The following ANO1 variants were observed in gnomAD, a reference collection of about 807,000 sequenced individuals.
ANO1 encodes anoctamin 1.
In ANO1, 59 loss-of-function variants were observed where a neutral mutation model predicts 124.0. The observed-to-expected ratio is 0.48, with a 90% CI of 0.39 to 0.59. The LOEUF is 0.59. Ranked by LOEUF, ANO1 falls within the 20% of genes least tolerant of loss-of-function variation. ANO1 has a pLI of 0.00. For synonymous variants in ANO1, 529 were observed against 532.0 expected (o/e 0.99, Z 0.08); for missense variants, 1,059 against 1,328.0 (o/e 0.80, Z 3.15).
the ANO1 span, among the ~76,000 whole-genome samples, chr11:69,970,253 G>A: frequency 3.3e-5 from 5 of 152,128 alleles, no homozygotes; most frequent in Admixed American, 1.3e-4. Flanking sequence ...AGAACCCCGC[G>A]GCCACAGTGC....
At position 70,078,729 on chromosome 11, in the gene ANO1, C is replaced by T. The variant is rs78535175; in HGVS notation, c.108+15C>T. 0.14 allele frequency: 197,321 copies of T among 1,444,640 alleles called. 14,393 individuals are homozygous for T. The highest frequency in any genetic ancestry group is 0.2 in the African/African-American group (13,673 of 66,858). 89.5% of individuals were successfully genotyped at this position (1,444,640 alleles called of 1,614,324 possible). Reference sequence around the variant, plus strand: ...CCGAGGGCACGGTGAGTGCGGGCGGCCGCGACCCGGGCGGGAGGGCCGCGC... The same window carrying T: ...CCGAGGGCACGGTGAGTGCGGGCGGTCGCGACCCGGGCGGGAGGGCCGCGC... On this transcript the variant is annotated intron_variant, in intron 1 of 25. Transcript: ENST00000355303.
chr11:70,100,787 G>C (rs1044951318), intron 2 of ANO1, among the ~76,000 whole-genome samples: 2 of 152,162 alleles, frequency 1.3e-5, no homozygotes, highest in Admixed American at 6.5e-5. Flanking sequence ...AGCAGGGACC[G>C]GCACGGAACT....
chr11:70,080,566 G>A (rs2044170854), intron 1 of ANO1, among the ~76,000 whole-genome samples: 1 of 152,130 alleles, frequency 6.6e-6, no homozygotes, highest in Non-Finnish European at 1.5e-5. Flanking sequence ...AAGAAATGGA[G>A]CCTGTCATGA....
intron 7 of ANO1, among the ~76,000 whole-genome samples, chr11:70,114,162 G>A (rs1213631057): frequency 6.6e-6 from 1 of 152,210 alleles, no homozygotes; most frequent in Non-Finnish European, 1.5e-5. Context: ...GCAGCCATGT[G>A]GGGTCTGTTC....
intron 1 of ANO1, among the ~76,000 whole-genome samples, chr11:70,053,830 A>C (rs184384955): frequency 1.8e-3 from 276 of 152,306 alleles, no homozygotes; most frequent in African/African-American, 6.1e-3. Flanking sequence ...CTTTGCAAAA[A>C]CAATTTTAAT....
intron 2 of ANO1, among the ~76,000 whole-genome samples, chr11:70,100,644 G>A (rs950980707): frequency 4.6e-5 from 7 of 152,226 alleles, no homozygotes; most frequent in Admixed American, 1.3e-4. Flanking sequence ...GCTGCAGGAG[G>A]ATCCCGCAAT....
intron 1 of ANO1, among the ~76,000 whole-genome samples, chr11:70,047,080 CAAAA>C (rs10660510): frequency 9.5e-5 from 7 of 73,880 alleles, no homozygotes; most frequent in South Asian, 6.2e-4. Context: ...GACTCTGTCT[CAAAA>C]AAAAAAAAAA....
At chr11:70,124,234 G>T (rs937957941) in intron 8 of ANO1, 116 bp from the exon 9 acceptor site, 28 of 925,490 alleles carry the variant, frequency 3.0e-5, no homozygotes, top group Non-Finnish European at 4.3e-5. Flanking sequence ...CTCTCAAGAA[G>T]TGTTTATGGG....
At chr11:70,089,886 G>A (rs930305952) in intron 2 of ANO1, among the ~76,000 whole-genome samples, 3 of 152,222 alleles carry the variant, frequency 2.0e-5, no homozygotes, top group Non-Finnish European at 4.4e-5. Flanking sequence ...GGAAGGAATC[G>A]GCTCCATCAG....
At chr11:70,081,196 A>G (rs1327959868) in intron 1 of ANO1, among the ~76,000 whole-genome samples, 1 of 152,198 alleles carries the variant, frequency 6.6e-6, no homozygotes, top group Non-Finnish European at 1.5e-5. Flanking sequence ...AGAAGAAATG[A>G]CTTGAAAGCC....
At chr11:70,076,246 GT>G (rs2044054736), upstream of ANO1, among the ~76,000 whole-genome samples, 2 of 152,206 alleles carry the variant, frequency 1.3e-5, no homozygotes, top group Non-Finnish European at 2.9e-5. Context: ...GAAACTAGAG[GT>G]TAAGCACTGT....
intron 1 of ANO1, among the ~76,000 whole-genome samples, chr11:70,009,825 T>C (rs2120354441): frequency 6.6e-6 from 1 of 152,186 alleles, no homozygotes; most frequent in Admixed American, 6.5e-5. Context: ...TTTGGTTACA[T>C]GGATATGTTC....
At chr11:70,059,387 T>C (rs1415151178) in intron 1 of ANO1, among the ~76,000 whole-genome samples, 2 of 147,302 alleles carry the variant, frequency 1.4e-5, no homozygotes, top group Non-Finnish European at 3.0e-5. Flanking sequence ...CATTGTCAGA[T>C]TGAATAGAAG....
At chr11:70,078,754 C>T in intron 1 of ANO1, 40 bp downstream of exon 1, 1 of 1,346,042 alleles carries the variant, frequency 7.4e-7, no homozygotes, top group Middle Eastern at 2.0e-4. Context: ...GAGGGCCGCG[C>T]ACCTGCGCCT....
intron 22 of ANO1, among the ~76,000 whole-genome samples, chr11:70,175,042 G>A (rs11235480): frequency 0.019 from 2,885 of 150,752 alleles, 69 homozygotes; most frequent in African/African-American, 0.055. Flanking sequence ...CACAGTGCGC[G>A]TGTGTTTGCT....
At chr11:69,981,684 C>T (rs1433289549), upstream of ANO1, among the ~76,000 whole-genome samples, 1 of 152,214 alleles carries the variant, frequency 6.6e-6, no homozygotes, top group African/African-American at 2.4e-5. Context: ...CTCCCGCTAG[C>T]CCTGCGCAGC....
At chr11:70,128,334 T>C (rs2046607470) in intron 10 of ANO1, among the ~76,000 whole-genome samples, 1 of 152,176 alleles carries the variant, frequency 6.6e-6, no homozygotes, top group South Asian at 2.1e-4. Context: ...TTGGTGGGGA[T>C]TGTAAGGCTG....
rs1355765205 is a variant in ANO1 at position 70,131,920 on chromosome 11, A to T, written c.1099A>T (p.Met367Leu). ...CATMDENIPS[M>L]EMCDQRHNIT... ...CCAGGGCTGCCCCCTCTCTTGCAGC[A>T]TGGAGATGTGTGACCAGAGACACAA... Residue 367 changes from methionine (M) to leucine (L), a missense_variant and splice_region_variant, in exon 11 of 26, where the codon ATG becomes TTG. By Grantham distance (15) the Met-to-Leu change is conservative (BLOSUM62 2). This residue lies in a region of ANO1 where 809 missense variants were observed against 1,094.9 expected (regional missense o/e 0.74). Transcript: ENST00000355303. The T allele has an allele frequency of 3.1e-6, 5 of 1,605,316 alleles. No individual in the cohort carries two copies. The highest frequency in any genetic ancestry group is 4.2e-6 in the Non-Finnish European group (5 of 1,179,308).
At chr11:70,008,225 T>C (rs1043067178) in intron 1 of ANO1, among the ~76,000 whole-genome samples, 26 of 152,234 alleles carry the variant, frequency 1.7e-4, no homozygotes, top group African/African-American at 6.3e-4. Context: ...TCACTCTGTT[T>C]ATTTCCTTTG....
Sources: allele counts gnomAD v4.1 joint callset (sites outside exome capture counted in the v4.1 genomes callset), GRCh38; gene constraint gnomAD v4.1.1; regional missense constraint gnomAD v4.1.1; transcripts MANE v1.5; gene names NCBI Gene and HGNC (gene_info 2026-07-23, HGNC 2026-07-21).